The following PDZRN3 variants were observed in gnomAD, a reference collection of about 807,000 sequenced individuals.
The protein encoded by PDZRN3 is E3 ubiquitin-protein ligase PDZRN3.
PDZRN3 carries 38 observed loss-of-function variants against 85.7 expected under a neutral mutation model. The ratio of observed to expected loss-of-function variants is 0.44; its 90% CI spans 0.34 to 0.58. PDZRN3 has a LOEUF of 0.58. Ranked by LOEUF, PDZRN3 falls within the 20% of genes least tolerant of loss-of-function variation. The probability of loss-of-function intolerance (pLI) is 0.01; values close to 1 mark genes in which losing one functional copy is unlikely to be tolerated. For missense variants in PDZRN3, 1,629 were observed against 1,506.4 expected (o/e 1.08, Z -1.35); for synonymous variants, 759 against 638.0 (o/e 1.19, Z -2.86).
intron 3 of PDZRN3, among the ~76,000 whole-genome samples, chr3:73,582,597 T>G (rs1702217471): frequency 6.6e-6 from 1 of 152,164 alleles, no homozygotes; most frequent in African/African-American, 2.4e-5. Flanking sequence ...TCGAAGAGGC[T>G]CCAACAACTT....
At chr3:73,582,277 T>G (rs1702213927) in intron 3 of PDZRN3, among the ~76,000 whole-genome samples, 1 of 152,164 alleles carries the variant, frequency 6.6e-6, no homozygotes, top group South Asian at 2.1e-4. Flanking sequence ...TTAAAATGTC[T>G]TGTTTCAATG....
intron 3 of PDZRN3, among the ~76,000 whole-genome samples, chr3:73,560,202 C>T (rs1044540938): frequency 2.0e-5 from 3 of 152,186 alleles, no homozygotes; most frequent in South Asian, 2.1e-4. Context: ...AAAACATTTT[C>T]GAAGAGCTCC....
chr3:73,466,784 T>C (rs2106876458), intron 3 of PDZRN3, among the ~76,000 whole-genome samples: 1 of 152,302 alleles, frequency 6.6e-6, no homozygotes, highest in East Asian at 1.9e-4. Flanking sequence ...CAATGAGGTC[T>C]CTGGTTTCTG....
intron 3 of PDZRN3, among the ~76,000 whole-genome samples, chr3:73,464,471 T>C (rs1203763811): frequency 3.3e-5 from 5 of 152,326 alleles, no homozygotes; most frequent in African/African-American, 1.2e-4. Context: ...CTAATTGTCA[T>C]TGTTGAACTC....
intron 3 of PDZRN3, among the ~76,000 whole-genome samples, chr3:73,415,067 G>A (rs561596514): frequency 1.3e-5 from 2 of 152,250 alleles, no homozygotes; most frequent in South Asian, 2.1e-4. Flanking sequence ...CTCAGCACAC[G>A]GCCTGGGGCT....
chr3:73,385,934 T>TAAGTC (rs1701372981), intron 8 of PDZRN3, 149 bp from the exon 9 acceptor site: 2 of 610,916 alleles, frequency 3.3e-6, no homozygotes, highest in South Asian at 2.0e-5. Flanking sequence ...GATTTGCTGT[T>TAAGTC]AAGTCAGGAA....
In PDZRN3 at chr3:73,554,592, A is replaced by G. The variant is rs543634112; in HGVS notation, c.918+47762T>C. 3.3e-5 allele frequency among the ~76,000 whole-genome samples: 5 copies of G among 152,340 alleles called. No individual in the cohort carries two copies. In the South Asian group the frequency reaches 1.0e-3, roughly 32 times the overall value. On this transcript the variant is annotated intron_variant, in intron 3 of 9. Coordinates refer to ENST00000263666, the MANE Select transcript of PDZRN3 (RefSeq NM_015009.3). ...AAGGAAATAAATATCTATACCATGGACTGTCACACTGCAGTTTTCAAAACT... is the reference window on the plus strand; with the variant it reads ...AAGGAAATAAATATCTATACCATGGGCTGTCACACTGCAGTTTTCAAAACT...
At chr3:73,403,285 T>C (rs774965740) in intron 4 of PDZRN3, among the ~76,000 whole-genome samples, 4 of 152,220 alleles carry the variant, frequency 2.6e-5, no homozygotes, top group Admixed American at 2.0e-4. Flanking sequence ...ACTGGACACC[T>C]TGGGGGCCAG....
At chr3:73,462,085 G>A (rs74691752) in intron 3 of PDZRN3, among the ~76,000 whole-genome samples, 2,833 of 152,208 alleles carry the variant, frequency 0.019, 89 homozygotes, top group African/African-American at 0.064. Flanking sequence ...ACTGACATAT[G>A]TGTTCTTTCA....
chr3:73,435,867 T>C lies in PDZRN3; in HGVS notation c.919-31472A>G, dbSNP rs577380941. The stretch of plus-strand genomic sequence containing the variant: ...CCCTCAGATCACTTCCCATCACTCT[T>C]GGATTGAAACCCAAATTCTTCACCA... On this transcript the variant is annotated intron_variant, in intron 3 of 9. Coordinates refer to ENST00000263666, the MANE Select transcript of PDZRN3 (RefSeq NM_015009.3). Among the ~76,000 whole-genome samples the C allele has an allele frequency of 3.3e-5, 5 of 152,300 alleles. No individual in the cohort carries two copies. The East Asian group carries it at 9.7e-4, about 29-fold the overall frequency.
At chr3:73,472,265 C>T (rs1000244242) in intron 3 of PDZRN3, among the ~76,000 whole-genome samples, 1 of 152,184 alleles carries the variant, frequency 6.6e-6, no homozygotes, top group Non-Finnish European at 1.5e-5. Flanking sequence ...GGCTCACCCA[C>T]GTCATTTGTC....
In PDZRN3 at chr3:73,388,083, AG is replaced by A. The variant is rs1553682711; in HGVS notation, c.1417-15del. The A allele has an allele frequency of 2.2e-5, 20 of 908,100 alleles. No individual in the cohort carries two copies. The highest frequency in any genetic ancestry group is 2.3e-4 in the Middle Eastern group (1 of 4,256). 56.3% of individuals were successfully genotyped at this position (908,100 alleles called of 1,614,324 possible). A position where few individuals can be genotyped will look rare whatever the true frequency, so the allele number is the denominator to read the frequency against. Reference sequence around the variant, plus strand: ...TATCCCATTAATCTTTTAAAAAAAAAGGGGGGGTGGGGAGAGTGGGGAGACA... The same window carrying A: ...TATCCCATTAATCTTTTAAAAAAAAAGGGGGGTGGGGAGAGTGGGGAGACA... On this transcript the variant is annotated splice_polypyrimidine_tract_variant and intron_variant, in intron 7 of 9. Coordinates refer to ENST00000263666, the MANE Select transcript of PDZRN3 (RefSeq NM_015009.3).
chr3:73,501,991 G>A (rs962901435), intron 3 of PDZRN3, among the ~76,000 whole-genome samples: 3 of 151,944 alleles, frequency 2.0e-5, no homozygotes, highest in African/African-American at 7.3e-5. Context: ...CTCCAGCCTG[G>A]GTGACAGAAC....
chr3:73,565,660 G>T (rs551500513), intron 3 of PDZRN3, among the ~76,000 whole-genome samples: 1 of 152,084 alleles, frequency 6.6e-6, no homozygotes, highest in South Asian at 2.1e-4. Flanking sequence ...TTCAGGGGCC[G>T]GGCGCGGTGA....
At chr3:73,467,595 AAG>A (rs568495757) in intron 3 of PDZRN3, among the ~76,000 whole-genome samples, 85 of 152,258 alleles carry the variant, frequency 5.6e-4, no homozygotes, top group African/African-American at 1.9e-3. Context: ...CAGATTATGA[AAG>A]AGTCTCAGTT....
At chr3:73,470,523 T>C (rs957197411) in intron 3 of PDZRN3, among the ~76,000 whole-genome samples, 1 of 152,150 alleles carries the variant, frequency 6.6e-6, no homozygotes, top group African/African-American at 2.4e-5. Flanking sequence ...TAAGAGGTGG[T>C]GGTAGGATTT....
In PDZRN3 at chr3:73,383,935, G is replaced by A. The variant is rs548400607; in HGVS notation, c.2631C>T (p.Ala877=). Residue 877 remains alanine (A), a synonymous_variant, in exon 10 of 10, where the codon GCC becomes GCT. Transcript: ENST00000263666. The stretch of plus-strand genomic sequence containing the variant: ...GCTGCATGTAGCTCTGGTAGTGCTG[G>A]GCGTGCGCCGGGATGTGCGCGTGCT... ...PYKHAHIPAH[A]QHYQSYMQLI... is the part of the protein sequence containing the mutation. 1.2e-6 allele frequency: 2 copies of A among 1,607,128 alleles called. No individual in the cohort carries two copies. Among genetic ancestry groups the A allele is most frequent in the East Asian group, 4.5e-5 (2 of 44,774 alleles).
Position 73,382,822 on chromosome 3 carries a change from TTGGTTATATGTATTA to T in PDZRN3, c.*528_*542del. 6.5e-6 allele frequency: 1 copy of T among 153,088 alleles called. No individual in the cohort carries two copies. Among genetic ancestry groups the T allele is most frequent in the Non-Finnish European group, 1.5e-5 (1 of 68,260 alleles). The allele number at this position is 153,088 out of a possible 1,614,324, so 9.5% of individuals were successfully genotyped here. On this transcript the variant is annotated 3_prime_UTR_variant, in exon 10 of 10. Transcript: ENST00000263666. ...TATCCCAACTCTAAACGCTGCCGGT[TTGGTTATATGTATTA>T]AATCGTTAACCACCGGGTTGGGTGG...
In PDZRN3 at chr3:73,588,711, A is replaced by G. The variant is rs146712948; in HGVS notation, c.918+13643T>C. On this transcript the variant is annotated intron_variant, in intron 3 of 9. Transcript: ENST00000263666. ...TTATCTTCTATTTACAACACATGAC[A>G]ATGACTTTCCATTTACAGTCATGAC... Among the ~76,000 whole-genome samples, 562 of 152,376 alleles carry G rather than the reference A, an allele frequency of 3.7e-3. 6 individuals are homozygous for G. Among genetic ancestry groups the G allele is most frequent in the African/African-American group, 0.013 (536 of 41,586 alleles).
Sources: allele counts gnomAD v4.1 joint callset (sites outside exome capture counted in the v4.1 genomes callset), GRCh38; gene constraint gnomAD v4.1.1; transcripts MANE v1.5; gene names NCBI Gene and HGNC (gene_info 2026-07-23, HGNC 2026-07-21).